KLF12: variants seen among roughly 807,000 people sequenced by gnomAD.
KLF12 encodes Krueppel-like factor 12.
In KLF12, 9 loss-of-function variants were observed where a neutral mutation model predicts 37.8. The observed-to-expected ratio is 0.24, with a 90% CI of 0.14 to 0.42. KLF12 has a LOEUF of 0.42. KLF12 is among the 10% of genes least tolerant of loss of function. The pLI is 1.00. For synonymous variants in KLF12, 208 were observed against 202.1 expected (o/e 1.03, Z -0.25); for missense variants, 411 against 516.0 (o/e 0.80, Z 1.97).
At chr13:74,281,496 A>G in the KLF12 span, among the ~76,000 whole-genome samples, 8,550 of 152,288 alleles carry the variant, frequency 0.056, 805 homozygotes, top group African/African-American at 0.19. Context: ...AAATAGGGAT[A>G]AAGTAAGTAC....
intron 6 of KLF12, among the ~76,000 whole-genome samples, chr13:73,761,925 T>G (rs1879585350): frequency 6.6e-6 from 1 of 152,170 alleles, no homozygotes; most frequent in Non-Finnish European, 1.5e-5. Context: ...CCCCAAAGGC[T>G]TCATCAATCT....
At chr13:74,271,630 C>T in the KLF12 span, among the ~76,000 whole-genome samples, 4 of 152,298 alleles carry the variant, frequency 2.6e-5, no homozygotes, top group East Asian at 7.7e-4. Context: ...ATTTCATATC[C>T]AGCTTTTTGC....
chr13:74,165,102 C>T, the KLF12 span, among the ~76,000 whole-genome samples: 1 of 151,848 alleles, frequency 6.6e-6, no homozygotes, highest in African/African-American at 2.4e-5. Flanking sequence ...TGATGGATAC[C>T]CCATTTACCC....
chr13:74,155,234 G>A, the KLF12 span, among the ~76,000 whole-genome samples: 1 of 152,182 alleles, frequency 6.6e-6, no homozygotes, highest in Non-Finnish European at 1.5e-5. Flanking sequence ...CCCACATGCA[G>A]CGGGTTTAAA....
chr13:73,865,310 C>T (rs1005863439), intron 3 of KLF12, among the ~76,000 whole-genome samples: 3 of 152,064 alleles, frequency 2.0e-5, no homozygotes, highest in African/African-American at 7.2e-5. Context: ...ATAATCTGGA[C>T]AATTTATAGC....
At chr13:74,288,534 A>C in the KLF12 span, among the ~76,000 whole-genome samples, 5 of 152,178 alleles carry the variant, frequency 3.3e-5, no homozygotes, top group African/African-American at 7.2e-5. Context: ...CAAATCAGCA[A>C]CTTCTGCACT....
the KLF12 span, among the ~76,000 whole-genome samples, chr13:74,224,115 G>A: frequency 6.6e-6 from 1 of 152,098 alleles, no homozygotes; most frequent in African/African-American, 2.4e-5. Flanking sequence ...TCATAAGGAT[G>A]ATATCATGTT....
intron 2 of KLF12, among the ~76,000 whole-genome samples, chr13:73,969,357 C>T (rs1190464358): frequency 6.6e-6 from 1 of 152,222 alleles, no homozygotes; most frequent in African/African-American, 2.4e-5. Flanking sequence ...ATTTATCCCA[C>T]ATCCAAAAGG....
intron 1 of KLF12, among the ~76,000 whole-genome samples, chr13:74,070,023 T>C (rs1874137918): frequency 6.6e-6 from 1 of 152,130 alleles, no homozygotes; most frequent in Non-Finnish European, 1.5e-5. Flanking sequence ...GAGATCTATT[T>C]AAGGACTCAT....
chr13:74,239,021 A>G, the KLF12 span, among the ~76,000 whole-genome samples: 17 of 148,384 alleles, frequency 1.1e-4, no homozygotes, highest in South Asian at 3.8e-3. Flanking sequence ...TAGTTCTTTT[A>G]CTTGTGATGT....
the KLF12 span, among the ~76,000 whole-genome samples, chr13:74,286,154 T>C: frequency 6.6e-6 from 1 of 152,262 alleles, no homozygotes; most frequent in Admixed American, 6.5e-5. Flanking sequence ...ATTTTACCTC[T>C]TCTTTTTTTC....
intron 7 of KLF12, among the ~76,000 whole-genome samples, chr13:73,701,210 C>T (rs781650859): frequency 4.1e-4 from 62 of 152,306 alleles, no homozygotes; most frequent in Non-Finnish European, 8.8e-5. Context: ...GCTGCTGCTG[C>T]ACCTGGGCGA....
At chr13:74,121,828 T>G (rs1339663752) in intron 1 of KLF12, among the ~76,000 whole-genome samples, 9 of 151,994 alleles carry the variant, frequency 5.9e-5, no homozygotes, top group Non-Finnish European at 4.4e-5. Context: ...ACTGGATATA[T>G]GAAAACATTA....
intron 2 of KLF12, among the ~76,000 whole-genome samples, chr13:73,963,131 C>G (rs929238163): frequency 2.0e-5 from 3 of 152,052 alleles, no homozygotes; most frequent in African/African-American, 7.2e-5. Flanking sequence ...AAATTGCTAT[C>G]TGGTATACTT....
chr13:73,724,983 T>G (rs1358310038), intron 6 of KLF12, among the ~76,000 whole-genome samples: 1 of 152,240 alleles, frequency 6.6e-6, no homozygotes, highest in Non-Finnish European at 1.5e-5. Context: ...ATTTCCTTTT[T>G]TTTGCTTTGG....
chr13:73,842,060 C>G (rs1158459747), intron 4 of KLF12, among the ~76,000 whole-genome samples: 1 of 152,144 alleles, frequency 6.6e-6, no homozygotes, highest in Non-Finnish European at 1.5e-5. Context: ...CTTGGAAAGG[C>G]TGAGGTTCTA....
At chr13:73,736,185 C>T (rs996855904) in intron 6 of KLF12, among the ~76,000 whole-genome samples, 5 of 152,064 alleles carry the variant, frequency 3.3e-5, no homozygotes, top group African/African-American at 9.7e-5. Flanking sequence ...TCTAACTCAC[C>T]TCTTGGTTCC....
chr13:74,136,780 TAA>T (rs58976692), upstream of KLF12, among the ~76,000 whole-genome samples: 51 of 143,454 alleles, frequency 3.6e-4, no homozygotes, highest in African/African-American at 4.5e-4. Context: ...CCTGTGTGGT[TAA>T]AAAAAAAAAA....
chr13:74,110,986 C>T (rs1876938349), intron 1 of KLF12, among the ~76,000 whole-genome samples: 3 of 151,884 alleles, frequency 2.0e-5, no homozygotes, highest in Admixed American at 1.3e-4. Flanking sequence ...AACCCCGTCT[C>T]CACTAAAAAT....
Sources: gnomAD v4.1 joint callset for allele counts (sites outside exome capture counted in the v4.1 genomes callset) on GRCh38, gnomAD v4.1.1 for gene constraint, MANE v1.5 for transcripts, NCBI Gene and HGNC (gene_info 2026-07-23, HGNC 2026-07-21) for gene names.